PRRX1: variants seen among roughly 807,000 people sequenced by gnomAD.
The protein encoded by PRRX1 is paired mesoderm homeobox protein 1.
A neutral mutation model predicts 24.0 loss-of-function variants in PRRX1; 8 were observed. The ratio of observed to expected loss-of-function variants is 0.33; its 90% CI spans 0.20 to 0.60. The LOEUF (loss-of-function observed/expected upper bound fraction) is 0.60. Ranked by LOEUF, PRRX1 falls within the 20% of genes least tolerant of loss-of-function variation. The pLI, the probability that PRRX1 is intolerant of heterozygous loss-of-function variation, is 0.82. For synonymous variants in PRRX1, 160 were observed against 131.7 expected (o/e 1.22, Z -1.47); for missense variants, 281 against 322.4 (o/e 0.87, Z 0.98).
intron 1 of PRRX1, among the ~76,000 whole-genome samples, chr1:170,694,684 G>A (rs991657206): frequency 2.6e-5 from 4 of 152,084 alleles, no homozygotes; most frequent in African/African-American, 9.7e-5. Flanking sequence ...TCTTCTTGTT[G>A]ATTCAGGACT....
Position 170,670,692 on chromosome 1 carries a change from T to C in PRRX1, c.241+6233T>C, listed in dbSNP as rs534760886. On this transcript the variant is annotated intron_variant, in intron 1 of 3. Transcript: ENST00000239461. ...CTTGCCTTGGGACTACTTTTCTTGATAAAAATATATCTGGGAAGATGATTT... is the reference window on the plus strand; with the variant it reads ...CTTGCCTTGGGACTACTTTTCTTGACAAAAATATATCTGGGAAGATGATTT... 2.0e-5 allele frequency among the ~76,000 whole-genome samples: 3 copies of C among 152,280 alleles called. No individual in the cohort carries two copies. The South Asian group carries it at 6.2e-4, about 32-fold the overall frequency.
intron 3 of PRRX1, 97 bp downstream of exon 3, chr1:170,726,498 A>C: frequency 2.8e-6 from 4 of 1,415,042 alleles, no homozygotes; most frequent in South Asian, 2.4e-5. Flanking sequence ...GACATTTCTT[A>C]CTGGGTTAAT....
At chr1:170,688,714 C>T (rs1345878683) in intron 1 of PRRX1, among the ~76,000 whole-genome samples, 2 of 152,074 alleles carry the variant, frequency 1.3e-5, no homozygotes, top group Non-Finnish European at 2.9e-5. Context: ...TAAAACTTTA[C>T]TATGTTGTAC....
intron 1 of PRRX1, among the ~76,000 whole-genome samples, chr1:170,681,267 C>A (rs1209541713): frequency 6.6e-6 from 1 of 152,164 alleles, no homozygotes; most frequent in Non-Finnish European, 1.5e-5. Context: ...CCTGAAGCCT[C>A]AAAGTTAGTT....
intron 2 of PRRX1, among the ~76,000 whole-genome samples, chr1:170,720,275 C>G (rs2101918041): frequency 6.6e-6 from 1 of 152,192 alleles, no homozygotes; most frequent in African/African-American, 2.4e-5. Context: ...GAGACCCTGA[C>G]TCAAAAATAA....
intron 3 of PRRX1, among the ~76,000 whole-genome samples, chr1:170,735,226 T>C (rs879617683): frequency 6.6e-6 from 1 of 152,224 alleles, no homozygotes; most frequent in Non-Finnish European, 1.5e-5. Flanking sequence ...GTGGTGTTCT[T>C]AGGTCCTAAT....
intron 1 of PRRX1, among the ~76,000 whole-genome samples, chr1:170,671,733 T>C (rs1319466488): frequency 1.3e-5 from 2 of 152,144 alleles, no homozygotes; most frequent in African/African-American, 2.4e-5. Flanking sequence ...CCTCTCCTCC[T>C]TTCAAATGAG....
upstream of PRRX1, chr1:170,662,885 T>C (rs1652771188): frequency 6.6e-6 from 1 of 151,986 alleles, no homozygotes; most frequent in South Asian, 2.1e-4. Context: ...TCTGGAGGAG[T>C]TAATGCCGAA....
intron 1 of PRRX1, among the ~76,000 whole-genome samples, chr1:170,701,042 T>A (rs1654340934): frequency 6.6e-6 from 1 of 152,224 alleles, no homozygotes; most frequent in Non-Finnish European, 1.5e-5. Flanking sequence ...CTTTTAGGAA[T>A]GAGTAATACT....
chr1:170,696,261 T>G (rs532719480), intron 1 of PRRX1, among the ~76,000 whole-genome samples: 4 of 152,326 alleles, frequency 2.6e-5, no homozygotes, highest in African/African-American at 9.6e-5. Context: ...AGAATAGTGA[T>G]AAATACGTCA....
At chr1:170,668,398 T>C (rs1653026257) in intron 1 of PRRX1, 1 of 152,198 alleles carries the variant, frequency 6.6e-6, no homozygotes, top group African/African-American at 2.4e-5. Context: ...AGACCTTTTG[T>C]TGGAAACACA....
chr1:170,735,944 C>G, intron 3 of PRRX1, 104 bp from the exon 4 acceptor site: 1 of 1,506,468 alleles, frequency 6.6e-7, no homozygotes, highest in African/African-American at 1.4e-5. Context: ...AGCCATTGCC[C>G]CTGCCTGCCC....
At chr1:170,696,144 G>A (rs1322320215) in intron 1 of PRRX1, among the ~76,000 whole-genome samples, 1 of 152,154 alleles carries the variant, frequency 6.6e-6, no homozygotes, top group Admixed American at 6.6e-5. Context: ...AGGAGCAAAG[G>A]AGAGAGTGAC....
chr1:170,687,133 T>C (rs574228847), intron 1 of PRRX1, among the ~76,000 whole-genome samples: 28 of 144,024 alleles, frequency 1.9e-4, no homozygotes, highest in Non-Finnish European at 3.8e-4. Flanking sequence ...TCTCTCTCTC[T>C]TTTTTTTTTA....
chr1:170,709,360 G>A (rs1444572339), intron 1 of PRRX1, among the ~76,000 whole-genome samples: 3 of 152,136 alleles, frequency 2.0e-5, no homozygotes, highest in Non-Finnish European at 4.4e-5. Flanking sequence ...AAGTATAAAT[G>A]AAAAGGACAA....
rs1655379899 is a variant in PRRX1, at chr1:170,730,073, G to A, written c.599+3672G>A. Reference sequence around the variant, plus strand: ...AGTGGATAGTGAATGGCCTGGTTTTGCATTATTTACCTGAAGTGCCATTTC... The same window carrying A: ...AGTGGATAGTGAATGGCCTGGTTTTACATTATTTACCTGAAGTGCCATTTC... On this transcript the variant is annotated intron_variant, in intron 3 of 3. Coordinates refer to ENST00000239461, the MANE Select transcript of PRRX1 (RefSeq NM_022716.4). 8.4e-5 allele frequency: 54 copies of A among 646,256 alleles called. No homozygotes were observed. In the South Asian group the frequency reaches 9.4e-4, roughly 11 times the overall value. 40.0% of individuals were successfully genotyped at this position (646,256 alleles called of 1,614,324 possible). A position where few individuals can be genotyped will look rare whatever the true frequency, so the allele number is the denominator to read the frequency against.
intron 3 of PRRX1, chr1:170,727,861 G>A (rs1655306820): frequency 6.6e-6 from 1 of 152,036 alleles, no homozygotes; most frequent in African/African-American, 2.4e-5. Context: ...TCTCCTATAA[G>A]ATTTACTACA....
chr1:170,728,545 A>T (rs1211004441), intron 3 of PRRX1: 2 of 152,128 alleles, frequency 1.3e-5, no homozygotes, highest in African/African-American at 2.4e-5. Context: ...CATTTTACTC[A>T]TTTCTTGGTA....
At chr1:170,697,970 CCAT>C (rs997219399) in intron 1 of PRRX1, among the ~76,000 whole-genome samples, 10 of 151,520 alleles carry the variant, frequency 6.6e-5, no homozygotes, top group African/African-American at 2.2e-4. Flanking sequence ...TTCCACCTCC[CCAT>C]CATCATCATC....
Sources: allele counts gnomAD v4.1 joint callset (sites outside exome capture counted in the v4.1 genomes callset), GRCh38; gene constraint gnomAD v4.1.1; transcripts MANE v1.5; gene names NCBI Gene and HGNC (gene_info 2026-07-23, HGNC 2026-07-21).